The following CRACDL variants were observed in gnomAD, a reference collection of about 807,000 sequenced individuals.
CRACDL encodes the protein CRACD like.
In CRACDL, 26 loss-of-function variants were observed where a neutral mutation model predicts 70.6. The observed-to-expected ratio is 0.37, with a 90% CI of 0.27 to 0.51. The LOEUF (loss-of-function observed/expected upper bound fraction) is 0.51, where lower values mean the gene tolerates loss of function less well. CRACDL is among the 20% of genes least tolerant of loss of function. The probability of loss-of-function intolerance (pLI) is 0.94; values close to 1 mark genes in which losing one functional copy is unlikely to be tolerated. For synonymous variants in CRACDL, 618 were observed against 615.2 expected, an observed-to-expected ratio of 1.00 and a Z score of -0.07; for missense variants, 1,283 against 1,376.9, an observed-to-expected ratio of 0.93 and a Z score of 1.08.
At position 98,891,376 on chromosome 2, in the gene CRACDL, C is replaced by CAAAAAAA. The variant is rs548988640; in HGVS notation, c.-11+44555_-11+44561dup. On this transcript the variant is annotated intron_variant, in intron 1 of 9. Coordinates refer to ENST00000397899, the MANE Select transcript of CRACDL (RefSeq NM_207362.3). ...TGGGTGACAGAGGGAGACTCCGTCT[C>CAAAAAAA]AAAAAAAAAAAAAAAAAAAAAAAAA... 8.7e-4 allele frequency among the ~76,000 whole-genome samples: 33 copies of CAAAAAAA among 37,898 alleles called. 2 individuals are homozygous for CAAAAAAA. The highest frequency in any genetic ancestry group is 1.8e-3 in the African/African-American group (17 of 9,232). 24.9% of individuals were successfully genotyped at this position (37,898 alleles called of 152,430 possible). A position where few individuals can be genotyped will look rare whatever the true frequency, so the allele number is the denominator to read the frequency against.
chr2:98,830,562 G>A (rs1019549799), intron 5 of CRACDL, among the ~76,000 whole-genome samples: 1 of 152,090 alleles, frequency 6.6e-6, no homozygotes, highest in Non-Finnish European at 1.5e-5. Context: ...TCTTCAAAAC[G>A]ATGAAGACAC....
chr2:98,816,155 A>C (rs758998539), intron 7 of CRACDL, among the ~76,000 whole-genome samples: 2 of 152,118 alleles, frequency 1.3e-5, no homozygotes, highest in Non-Finnish European at 2.9e-5. Flanking sequence ...CACTGCTCAC[A>C]CTTGCTATGG....
chr2:98,934,259 T>C (rs1035527424), intron 1 of CRACDL, among the ~76,000 whole-genome samples: 4 of 144,976 alleles, frequency 2.8e-5, no homozygotes, highest in Admixed American at 7.3e-5. Context: ...AGTGCAGTGG[T>C]GCCATCTCAG....
At chr2:98,810,987 T>C (rs1575332186) in intron 7 of CRACDL, among the ~76,000 whole-genome samples, 1 of 149,974 alleles carries the variant, frequency 6.7e-6, no homozygotes, top group Non-Finnish European at 1.5e-5. Context: ...AAAAAAAAGA[T>C]GCCCATGCTT....
intron 1 of CRACDL, among the ~76,000 whole-genome samples, chr2:98,933,466 A>G (rs941746277): frequency 2.0e-5 from 3 of 152,194 alleles, no homozygotes; most frequent in African/African-American, 7.2e-5. Context: ...AGAACCATGC[A>G]CTGGGAACTG....
rs1573150800 is a variant in CRACDL, at chr2:98,889,319, GAAA to G, written c.-10-42512_-10-42510del. Reference sequence around the variant, plus strand: ...AGAAAGAAAGAAAGAAAGAAAGAAAGAAAGAAAGAAAGAAAGAAAGAAAGGAAA... The same window carrying G: ...AGAAAGAAAGAAAGAAAGAAAGAAAGGAAAGAAAGAAAGAAAGAAAGGAAA... On this transcript the variant is annotated intron_variant, in intron 1 of 9. Transcript: ENST00000397899. Among the ~76,000 whole-genome samples the G allele has an allele frequency of 6.0e-4, 50 of 83,348 alleles. 2 individuals are homozygous for G. Among genetic ancestry groups the G allele is most frequent in the Admixed American group, 4.5e-3 (37 of 8,312 alleles). 54.7% of individuals were successfully genotyped at this position (83,348 alleles called of 152,430 possible).
At chr2:98,927,517 AC>A (rs1395410941) in intron 1 of CRACDL, among the ~76,000 whole-genome samples, 2 of 150,678 alleles carry the variant, frequency 1.3e-5, no homozygotes, top group Non-Finnish European at 2.9e-5. Flanking sequence ...AAAAAAAAAA[AC>A]TTGGTGTGAA....
chr2:98,845,795 G>T (rs1706231724), intron 2 of CRACDL, among the ~76,000 whole-genome samples: 1 of 151,652 alleles, frequency 6.6e-6, no homozygotes, highest in African/African-American at 2.4e-5. Flanking sequence ...TTTTTTTCAG[G>T]GCTCATCTAA....
At chr2:98,894,284 C>T (rs778419273) in intron 1 of CRACDL, among the ~76,000 whole-genome samples, 8 of 152,196 alleles carry the variant, frequency 5.3e-5, no homozygotes, top group Non-Finnish European at 7.3e-5. Context: ...GATTTGGCTG[C>T]GAAGTCACCC....
chr2:98,885,607 A>G (rs1707778951), intron 1 of CRACDL, among the ~76,000 whole-genome samples: 1 of 152,196 alleles, frequency 6.6e-6, no homozygotes, highest in Non-Finnish European at 1.5e-5. Context: ...TAGAAAATGC[A>G]GATGAAAATA....
At chr2:98,916,380 A>T (rs1407397858) in intron 1 of CRACDL, among the ~76,000 whole-genome samples, 1 of 152,212 alleles carries the variant, frequency 6.6e-6, no homozygotes, top group Non-Finnish European at 1.5e-5. Flanking sequence ...ATTTTGGGGA[A>T]GATGGGTACG....
At chr2:98,817,641 C>T (rs1704838476) in intron 7 of CRACDL, among the ~76,000 whole-genome samples, 1 of 152,316 alleles carries the variant, frequency 6.6e-6, no homozygotes, top group East Asian at 1.9e-4. Context: ...GGTCAGTCCC[C>T]TGTGCTCTTC....
chr2:98,933,554 T>C (rs780830591), intron 1 of CRACDL, among the ~76,000 whole-genome samples: 5 of 152,166 alleles, frequency 3.3e-5, no homozygotes, highest in Admixed American at 1.3e-4. Flanking sequence ...TTTGCACCTT[T>C]CCACAATAAA....
chr2:98,846,666 A>C, intron 2 of CRACDL, 65 bp downstream of exon 2: 2 of 1,358,036 alleles, frequency 1.5e-6, no homozygotes, highest in Non-Finnish European at 2.1e-6. Context: ...TGCCTCTGTC[A>C]GTCCCTCTCC....
At chr2:98,809,519 C>A (rs1334307031) in intron 7 of CRACDL, among the ~76,000 whole-genome samples, 1 of 152,162 alleles carries the variant, frequency 6.6e-6, no homozygotes, top group Non-Finnish European at 1.5e-5. Flanking sequence ...CCCATGGAAG[C>A]CACCCTTGCA....
At chr2:98,835,598 A>G (rs1362685394) in intron 3 of CRACDL, among the ~76,000 whole-genome samples, 1 of 152,286 alleles carries the variant, frequency 6.6e-6, no homozygotes, top group South Asian at 2.1e-4. Context: ...TGCATTCCCA[A>G]TGATATTTGG....
intron 1 of CRACDL, among the ~76,000 whole-genome samples, chr2:98,926,353 C>T (rs1374297624): frequency 6.6e-6 from 1 of 152,220 alleles, no homozygotes; most frequent in African/African-American, 2.4e-5. Flanking sequence ...AGGCTGTCCA[C>T]TCCACCTCAA....
rs1706018744 is a variant in CRACDL at position 98,841,344 on chromosome 2, T to A, written c.71-3057A>T. Among the ~76,000 whole-genome samples, 7 of 152,292 alleles carry A rather than the reference T, an allele frequency of 4.6e-5. 1 individual carries two copies. In the South Asian group the frequency reaches 1.5e-3, roughly 32 times the overall value. Reference sequence around the variant, plus strand: ...CAAGTCTATCATCTTATGTGTTTTTTAATTGATCTTTAAAAAAAATTCCAT... The same window carrying A: ...CAAGTCTATCATCTTATGTGTTTTTAAATTGATCTTTAAAAAAAATTCCAT... On this transcript the variant is annotated intron_variant, in intron 2 of 9. Coordinates refer to ENST00000397899, the MANE Select transcript of CRACDL (RefSeq NM_207362.3).
chr2:98,887,849 T>A (rs997330669), intron 1 of CRACDL, among the ~76,000 whole-genome samples: 2 of 152,206 alleles, frequency 1.3e-5, no homozygotes, highest in East Asian at 3.8e-4. Context: ...AGATGAACTA[T>A]CCAGGCTGAA....
Sources: allele counts gnomAD v4.1 joint callset (sites outside exome capture counted in the v4.1 genomes callset), GRCh38; gene constraint gnomAD v4.1.1; transcripts MANE v1.5; gene names NCBI Gene and HGNC (gene_info 2026-07-23, HGNC 2026-07-21).